The following TUSC3 variants were observed in gnomAD, a reference collection of about 807,000 sequenced individuals.
The protein encoded by TUSC3 is tumor suppressor candidate 3.
In TUSC3, 45 loss-of-function variants were observed where a neutral mutation model predicts 44.8. The ratio of observed to expected loss-of-function variants is 1.00; its 90% CI spans 0.79 to 1.29. TUSC3 has a LOEUF of 1.29. Ranked by LOEUF, TUSC3 falls within the 50% of genes most tolerant of loss-of-function variation. The pLI is 0.00. For missense variants in TUSC3, 519 were observed against 437.9 expected (o/e 1.19, Z -1.65); for synonymous variants, 212 against 152.9 (o/e 1.39, Z -2.85).
the TUSC3 span, among the ~76,000 whole-genome samples, chr8:15,848,152 C>T: frequency 2.0e-5 from 3 of 152,150 alleles, no homozygotes; most frequent in Admixed American, 6.5e-5. Flanking sequence ...AAGCATATAT[C>T]GTCTGTGGTC....
At chr8:15,776,958 T>G in the TUSC3 span, among the ~76,000 whole-genome samples, 1 of 152,154 alleles carries the variant, frequency 6.6e-6, no homozygotes, top group Non-Finnish European at 1.5e-5. Context: ...TTAACTTCTG[T>G]GTGTTGCTAT....
At chr8:15,701,677 T>A (rs1466664873) in intron 6 of TUSC3, among the ~76,000 whole-genome samples, 1 of 152,136 alleles carries the variant, frequency 6.6e-6, no homozygotes, top group Admixed American at 6.6e-5. Context: ...AAGGAAGAAG[T>A]AGAAGAAGGA....
intron 6 of TUSC3, among the ~76,000 whole-genome samples, chr8:15,699,486 T>C (rs1224255917): frequency 6.6e-6 from 1 of 152,176 alleles, no homozygotes; most frequent in Admixed American, 6.5e-5. Context: ...ACATAAAACC[T>C]AGCATTAACA....
chr8:15,685,583 T>C (rs924135348), intron 6 of TUSC3, among the ~76,000 whole-genome samples: 1 of 152,170 alleles, frequency 6.6e-6, no homozygotes, highest in Non-Finnish European at 1.5e-5. Flanking sequence ...TTGAATTGTA[T>C]TTTTCAAAAG....
chr8:15,420,650 C>G (rs1328784305), intron 1 of TUSC3, among the ~76,000 whole-genome samples: 2 of 151,984 alleles, frequency 1.3e-5, no homozygotes, highest in Admixed American at 1.3e-4. Context: ...GAATTCCTCC[C>G]TTCTCTCTCA....
chr8:15,826,577 T>C, the TUSC3 span, among the ~76,000 whole-genome samples: 2 of 152,296 alleles, frequency 1.3e-5, no homozygotes, highest in South Asian at 4.1e-4. Flanking sequence ...ATCTGAGCTA[T>C]TTTCTCCTGC....
At chr8:15,840,358 C>G in the TUSC3 span, among the ~76,000 whole-genome samples, 270 of 152,096 alleles carry the variant, frequency 1.8e-3, no homozygotes, top group African/African-American at 6.0e-3. Flanking sequence ...CACATGTACC[C>G]TAGAACTTAA....
intron 10 of TUSC3, among the ~76,000 whole-genome samples, chr8:15,760,015 T>A (rs558157225): frequency 6.6e-6 from 1 of 152,278 alleles, no homozygotes; most frequent in South Asian, 2.1e-4. Context: ...TGTCTTTTTC[T>A]GACTATAACC....
chr8:15,751,228 A>G (rs958181250), intron 9 of TUSC3, among the ~76,000 whole-genome samples: 1 of 152,186 alleles, frequency 6.6e-6, no homozygotes, highest in Admixed American at 6.5e-5. Flanking sequence ...GGAGAGAGAT[A>G]TGGAGAAGCA....
intron 2 of TUSC3, among the ~76,000 whole-genome samples, chr8:15,650,084 ATC>A (rs1166379502): frequency 1.3e-5 from 2 of 152,214 alleles, no homozygotes; most frequent in East Asian, 3.9e-4. Context: ...AACAAATATC[ATC>A]TTAGAGAAGG....
the TUSC3 span, among the ~76,000 whole-genome samples, chr8:15,785,543 G>C: frequency 6.6e-6 from 1 of 151,364 alleles, no homozygotes; most frequent in Non-Finnish European, 1.5e-5. Context: ...GAGACTCTCA[G>C]GACAGGGGGG....
intron 2 of TUSC3, among the ~76,000 whole-genome samples, chr8:15,497,693 G>A (rs569098207): frequency 1.4e-4 from 22 of 152,108 alleles, no homozygotes; most frequent in African/African-American, 4.8e-4. Context: ...GAAAATGCAC[G>A]CAAGAGAAGT....
intron 1 of TUSC3, among the ~76,000 whole-genome samples, chr8:15,543,803 C>G (rs946150443): frequency 2.7e-5 from 4 of 148,354 alleles, no homozygotes; most frequent in Non-Finnish European, 5.9e-5. Context: ...GTGGAATAGT[C>G]TATTGCTTAT....
chr8:15,837,992 GACTT>G, the TUSC3 span, among the ~76,000 whole-genome samples: 1 of 152,176 alleles, frequency 6.6e-6, no homozygotes, highest in Non-Finnish European at 1.5e-5. Flanking sequence ...CTGCAATCAT[GACTT>G]ACTATTTATT....
intron 6 of TUSC3, among the ~76,000 whole-genome samples, chr8:15,679,900 T>G (rs1478858242): frequency 6.6e-6 from 1 of 152,146 alleles, no homozygotes; most frequent in Non-Finnish European, 1.5e-5. Context: ...GTTGTAGATG[T>G]GTAACTTTAC....
At chr8:15,601,016 T>C (rs1326305785) in intron 1 of TUSC3, among the ~76,000 whole-genome samples, 2 of 151,722 alleles carry the variant, frequency 1.3e-5, no homozygotes, top group East Asian at 3.9e-4. Flanking sequence ...TTCACTGAAA[T>C]CAAGAGTACA....
At chr8:15,459,965 T>G (rs970915881) in intron 1 of TUSC3, among the ~76,000 whole-genome samples, 1 of 152,102 alleles carries the variant, frequency 6.6e-6, no homozygotes, top group Non-Finnish European at 1.5e-5. Context: ...GGTTCCAGAA[T>G]TTTGCAATTG....
chr8:15,422,891 A>G (rs930243019), intron 1 of TUSC3, among the ~76,000 whole-genome samples: 1 of 151,850 alleles, frequency 6.6e-6, no homozygotes, highest in East Asian at 1.9e-4. Flanking sequence ...GATCCACCCA[A>G]CTCGGCCTCC....
At chr8:15,645,944 G>T (rs192693281) in intron 2 of TUSC3, among the ~76,000 whole-genome samples, 65 of 152,098 alleles carry the variant, frequency 4.3e-4, no homozygotes, top group Admixed American at 3.9e-3. Flanking sequence ...TAGCTTAAGG[G>T]TATTTATGAT....
Sources: allele counts gnomAD v4.1 joint callset (sites outside exome capture counted in the v4.1 genomes callset), GRCh38; gene constraint gnomAD v4.1.1; transcripts MANE v1.5; gene names NCBI Gene and HGNC (gene_info 2026-07-23, HGNC 2026-07-21).